The following CREB5 variants were observed in gnomAD, a reference collection of about 807,000 sequenced individuals.
CREB5 encodes cyclic AMP-responsive element-binding protein 5.
Under a neutral mutation model 57.1 loss-of-function variants are expected in CREB5, and 19 were observed. That is an observed-to-expected ratio of 0.33 (90% confidence interval 0.23 to 0.49). The LOEUF (loss-of-function observed/expected upper bound fraction) is 0.49, where lower values mean the gene tolerates loss of function less well. Ranked by LOEUF, CREB5 falls within the 20% of genes least tolerant of loss-of-function variation. The pLI, the probability that CREB5 is intolerant of heterozygous loss-of-function variation, is 0.99. For missense variants in CREB5, 579 were observed against 671.6 expected, an observed-to-expected ratio of 0.86 and a Z score of 1.52; for synonymous variants, 238 against 238.3, an observed-to-expected ratio of 1.00 and a Z score of 0.01.
chr7:28,305,966 C>A (rs929529041), intron 1 of CREB5, among the ~76,000 whole-genome samples: 3 of 151,720 alleles, frequency 2.0e-5, no homozygotes, highest in Non-Finnish European at 4.4e-5. Flanking sequence ...TGTATGGACA[C>A]GTGTACAGAT....
At chr7:28,357,077 C>T (rs561286768) in intron 1 of CREB5, among the ~76,000 whole-genome samples, 6 of 151,710 alleles carry the variant, frequency 4.0e-5, no homozygotes, top group Admixed American at 3.9e-4. Flanking sequence ...TTCCCTGCAT[C>T]CCTCGCTAAA....
intron 5 of CREB5, among the ~76,000 whole-genome samples, chr7:28,632,926 C>T (rs113460708): frequency 1.3e-5 from 2 of 152,146 alleles, no homozygotes; most frequent in Non-Finnish European, 2.9e-5. Flanking sequence ...CACCCTGAGT[C>T]GCTAGTTTGT....
chr7:28,488,119 G>A lies in CREB5; in HGVS notation c.4-56G>A, dbSNP rs1791648503. 8 of 1,528,380 alleles carry A rather than the reference G, an allele frequency of 5.2e-6. No individual in the cohort carries two copies. The Admixed American group carries it at 1.3e-4, about 26-fold the overall frequency. 94.7% of individuals were successfully genotyped at this position (1,528,380 alleles called of 1,614,324 possible). A position where few individuals can be genotyped will look rare whatever the true frequency, so the allele number is the denominator to read the frequency against. ...CCTTTCTCACGTTGCTCAGGTAGAA[G>A]CAGAAGATATTCATGGATTTCTTTT... On this transcript the variant is annotated intron_variant, in intron 1 of 10. Transcript: ENST00000357727.
At chr7:28,725,128 C>T (rs900612076) in intron 7 of CREB5, among the ~76,000 whole-genome samples, 1 of 152,214 alleles carries the variant, frequency 6.6e-6, no homozygotes, top group African/African-American at 2.4e-5. Context: ...AACTTTCTAG[C>T]ATCTGATATT....
In CREB5 at chr7:28,323,677, T is replaced by C. The variant is rs967275285; in HGVS notation, c.-25+24236T>C. ...GCCTTTTGGCACCAGAGACCAGTTTTATGGAAGACAATTTTTCCACGGACT... is the reference window on the plus strand; with the variant it reads ...GCCTTTTGGCACCAGAGACCAGTTTCATGGAAGACAATTTTTCCACGGACT... On this transcript the variant is annotated intron_variant, in intron 1 of 9. Coordinates refer to the CREB5 transcript ENST00000396299. Among the ~76,000 whole-genome samples, 4 of 152,326 alleles carry C rather than the reference T, an allele frequency of 2.6e-5. No homozygotes were observed. In the East Asian group the frequency reaches 5.8e-4, roughly 22 times the overall value.
chr7:28,648,557 G>C (rs1001719777), intron 5 of CREB5, among the ~76,000 whole-genome samples: 1 of 152,028 alleles, frequency 6.6e-6, no homozygotes, highest in East Asian at 1.9e-4. Flanking sequence ...GAAACATAGT[G>C]AGACCTCATC....
chr7:28,557,138 C>T (rs1380547134), intron 4 of CREB5, among the ~76,000 whole-genome samples: 1 of 144,018 alleles, frequency 6.9e-6, no homozygotes, highest in South Asian at 2.2e-4. Flanking sequence ...TTTGAAGGTA[C>T]TAGCTGTTTC....
At chr7:28,587,671 G>A (rs1035137731) in intron 5 of CREB5, among the ~76,000 whole-genome samples, 9 of 152,266 alleles carry the variant, frequency 5.9e-5, no homozygotes, top group African/African-American at 1.7e-4. Flanking sequence ...AATTTCCTGT[G>A]AAATCTCTTG....
intron 7 of CREB5, among the ~76,000 whole-genome samples, chr7:28,789,749 G>A (rs1807553168): frequency 6.6e-6 from 1 of 152,086 alleles, no homozygotes; most frequent in Non-Finnish European, 1.5e-5. Flanking sequence ...ACAGCAATGA[G>A]TATCAGTTTC....
intron 4 of CREB5, among the ~76,000 whole-genome samples, chr7:28,518,292 G>A (rs1793062034): frequency 6.6e-6 from 1 of 152,108 alleles, no homozygotes; most frequent in South Asian, 2.1e-4. Context: ...GTTTATTCAG[G>A]CTCTGCAAGC....
intron 1 of CREB5, among the ~76,000 whole-genome samples, chr7:28,352,024 TA>T (rs1188242562): frequency 1.3e-5 from 2 of 152,230 alleles, no homozygotes. Context: ...AAATTATTTT[TA>T]AAAAACCAAA....
intron 2 of CREB5, among the ~76,000 whole-genome samples, chr7:28,488,507 A>G (rs1342158485): frequency 1.3e-5 from 2 of 152,218 alleles, no homozygotes; most frequent in South Asian, 2.1e-4. Flanking sequence ...TCCTCCTGGA[A>G]GCAAGCCAGG....
At chr7:28,537,812 C>A (rs1339063921) in intron 4 of CREB5, among the ~76,000 whole-genome samples, 2 of 152,132 alleles carry the variant, frequency 1.3e-5, no homozygotes, top group African/African-American at 4.8e-5. Flanking sequence ...TTTTGGCATC[C>A]ATTCTTTGTT....
intron 7 of CREB5, among the ~76,000 whole-genome samples, chr7:28,761,594 G>A (rs376147989): frequency 3.9e-5 from 6 of 152,104 alleles, no homozygotes; most frequent in South Asian, 2.1e-4. Flanking sequence ...TCACGGCATC[G>A]TACCAATATC....
At chr7:28,410,428 T>G (rs1475455352), upstream of CREB5, 1 of 456,602 alleles carries the variant, frequency 2.2e-6, no homozygotes, top group Non-Finnish European at 4.4e-6. Context: ...ACTTGAACTT[T>G]TCACGAAGTT....
intron 5 of CREB5, among the ~76,000 whole-genome samples, chr7:28,666,935 G>C (rs1300878932): frequency 7.1e-6 from 1 of 140,638 alleles, no homozygotes; most frequent in Admixed American, 7.0e-5. Context: ...CCCTTTCTTA[G>C]GAAAAAAAAA....
chr7:28,697,083 C>T (rs1419166810), intron 5 of CREB5, among the ~76,000 whole-genome samples: 1 of 138,230 alleles, frequency 7.2e-6, no homozygotes, highest in Admixed American at 7.7e-5. Context: ...TTTATATATA[C>T]ACACACACAA....
At chr7:28,437,106 C>T (rs992855310) in intron 1 of CREB5, among the ~76,000 whole-genome samples, 3 of 152,122 alleles carry the variant, frequency 2.0e-5, no homozygotes, top group Admixed American at 1.3e-4. Context: ...CACTCCCAAC[C>T]GGCAGTGACA....
chr7:28,412,457 T>C (rs1787837746), upstream of CREB5: 1 of 153,356 alleles, frequency 6.5e-6, no homozygotes, highest in African/African-American at 2.4e-5. Context: ...CGCACTGTTA[T>C]TTGGTGTTCT....
Sources: gnomAD v4.1 joint callset for allele counts (sites outside exome capture counted in the v4.1 genomes callset) on GRCh38, gnomAD v4.1.1 for gene constraint, MANE v1.5 for transcripts, NCBI Gene and HGNC (gene_info 2026-07-23, HGNC 2026-07-21) for gene names.